Variants in ZNF536 observed in about 807,000 individuals in gnomAD.
ZNF536 encodes the protein zinc finger protein 536.
A neutral mutation model predicts 84.5 loss-of-function variants in ZNF536; 13 were observed. The observed-to-expected ratio is 0.15, with a 90% CI of 0.10 to 0.24. ZNF536 has a LOEUF of 0.24. ZNF536 is among the 10% of genes least tolerant of loss of function. The pLI, the probability that ZNF536 is intolerant of heterozygous loss-of-function variation, is 1.00. For missense variants in ZNF536, 1,536 were observed against 1,747.5 expected, an observed-to-expected ratio of 0.88 and a Z score of 2.16; for synonymous variants, 811 against 742.5, an observed-to-expected ratio of 1.09 and a Z score of -1.50.
At chr19:30,594,943 T>C (rs543465624) in intron 1 of ZNF536, among the ~76,000 whole-genome samples, 72 of 152,168 alleles carry the variant, frequency 4.7e-4, no homozygotes, top group Non-Finnish European at 8.7e-4. Flanking sequence ...GAGCCATGCC[T>C]GTGTGCTCAG....
rs1599765235 is a variant in ZNF536, at chr19:30,548,538, T to C, written c.2919T>C (p.Tyr973=). 5.0e-6 allele frequency: 8 copies of C among 1,614,144 alleles called. No homozygotes were observed. The highest frequency in any genetic ancestry group is 6.8e-6 in the Non-Finnish European group (8 of 1,180,032). Reference sequence around the variant, plus strand: ...AGAGGAAGTCCGAGAAATCTCAGTATGAACCCCTGGACTTGTCTGTGCGGC... The same window carrying C: ...AGAGGAAGTCCGAGAAATCTCAGTACGAACCCCTGGACTTGTCTGTGCGGC... ...SSQRKSEKSQ[Y]EPLDLSVRPD... is the part of the protein sequence containing the mutation. The change falls in exon 4 of 5, where the codon TAT becomes TAC. Residue 973 remains tyrosine (Y), a synonymous_variant. Transcript: ENST00000355537.
rs2048031496 is a variant in ZNF536 at position 30,609,852 on chromosome 19, G to GTCCATCCA, written c.169+60343_169+60350dup. Among the ~76,000 whole-genome samples the GTCCATCCA allele has an allele frequency of 2.6e-5, 2 of 77,216 alleles. 1 individual carries two copies. Among genetic ancestry groups the GTCCATCCA allele is most frequent in the South Asian group, 9.3e-4 (2 of 2,140 alleles). 50.7% of individuals were successfully genotyped at this position (77,216 alleles called of 152,430 possible). A position where few individuals can be genotyped will look rare whatever the true frequency, so the allele number is the denominator to read the frequency against. ...CATGTATCCATCCATCCACCCATCC[G>GTCCATCCA]TCCATCCATCCACCCATTTATCCAT... On this transcript the variant is annotated intron_variant, in intron 1 of 1. Transcript: ENST00000592773.
At chr19:30,673,499 C>A (rs1325223509) in intron 1 of ZNF536, among the ~76,000 whole-genome samples, 1 of 152,202 alleles carries the variant, frequency 6.6e-6, no homozygotes, top group Admixed American at 6.5e-5. Context: ...GGTCTCCCGC[C>A]CTGTGCCTGC....
At chr19:30,512,813 T>A (rs1008952804) in intron 2 of ZNF536, among the ~76,000 whole-genome samples, 1 of 152,212 alleles carries the variant, frequency 6.6e-6, no homozygotes, top group African/African-American at 2.4e-5. Flanking sequence ...TCGAATTACT[T>A]TCTAGCAATC....
chr19:30,319,311 C>G (rs2046782940), intron 2 of ZNF536, among the ~76,000 whole-genome samples: 1 of 152,118 alleles, frequency 6.6e-6, no homozygotes, highest in Admixed American at 6.5e-5. Flanking sequence ...ACCAATGTGA[C>G]TATCTTTTAA....
In ZNF536 at chr19:30,602,575, C is replaced by T. The variant is rs116050078; in HGVS notation, c.169+53061C>T. Among the ~76,000 whole-genome samples the T allele has an allele frequency of 3.6e-3, 551 of 152,268 alleles. 9 individuals carry two copies. Among genetic ancestry groups the T allele is most frequent in the African/African-American group, 0.013 (528 of 41,542 alleles). On this transcript the variant is annotated intron_variant, in intron 1 of 1. Coordinates refer to the ZNF536 transcript ENST00000592773. ...TGCTTGTGTAAAGAAGTCAGTGATG[C>T]CGAAAGCTCAGGTCCCATGGCCTGG...
chr19:30,644,636 G>T (rs949506901), intron 1 of ZNF536, among the ~76,000 whole-genome samples: 3 of 152,018 alleles, frequency 2.0e-5, no homozygotes, highest in Non-Finnish European at 4.4e-5. Flanking sequence ...TTGTCCTTGC[G>T]ATAGTTTGCT....
chr19:30,326,981 C>A (rs998143118), intron 2 of ZNF536, among the ~76,000 whole-genome samples: 1 of 151,244 alleles, frequency 6.6e-6, no homozygotes, highest in African/African-American at 2.4e-5. Context: ...ATGGCACACA[C>A]CTATAGTCCC....
chr19:30,530,420 C>T (rs917544526), intron 2 of ZNF536, among the ~76,000 whole-genome samples: 1 of 152,060 alleles, frequency 6.6e-6, no homozygotes, highest in Non-Finnish European at 1.5e-5. Flanking sequence ...GATCTCAGCT[C>T]ACTTCAACCT....
rs186637357 is a variant in ZNF536, at chr19:30,536,350, G to T, written c.2323+1351G>T. 5.4e-4 allele frequency among the ~76,000 whole-genome samples: 82 copies of T among 152,152 alleles called. 2 individuals are homozygous for T. The highest frequency in any genetic ancestry group is 1.9e-3 in the African/African-American group (77 of 41,500). On this transcript the variant is annotated intron_variant, in intron 3 of 4. Transcript: ENST00000355537. The stretch of plus-strand genomic sequence containing the variant: ...GACTTAGCTTTACTGGGATCTATTC[G>T]GAGAGGCTGCCCCTGACTATCCCAC...
chr19:30,496,567 G>A (rs1406881921), intron 2 of ZNF536, among the ~76,000 whole-genome samples: 1 of 152,182 alleles, frequency 6.6e-6, no homozygotes, highest in Non-Finnish European at 1.5e-5. Flanking sequence ...GTGAAAGTCT[G>A]TTAACTGAAG....
exon 2 of ZNF536, chr19:30,711,677 G>C (rs148995286): frequency 2.0e-5 from 3 of 152,224 alleles, no homozygotes; most frequent in Non-Finnish European, 4.4e-5. Flanking sequence ...ATCAGGAAGT[G>C]TCTGCAGACA....
At chr19:30,612,759 G>A (rs920288321) in intron 1 of ZNF536, among the ~76,000 whole-genome samples, 3 of 152,130 alleles carry the variant, frequency 2.0e-5, no homozygotes, top group South Asian at 2.1e-4. Context: ...AAATGCTAAC[G>A]TCTTACCTTC....
intron 1 of ZNF536, among the ~76,000 whole-genome samples, chr19:30,234,667 G>T (rs2023336153): frequency 6.6e-6 from 1 of 151,942 alleles, no homozygotes; most frequent in African/African-American, 2.4e-5. Context: ...CTCCCAAAGT[G>T]CTAGGATTAA....
intron 2 of ZNF536, among the ~76,000 whole-genome samples, chr19:30,522,488 G>A (rs904996366): frequency 6.6e-6 from 1 of 150,598 alleles, no homozygotes; most frequent in Non-Finnish European, 1.5e-5. Flanking sequence ...ATTGACACTT[G>A]TTTTCTGCCA....
At chr19:30,541,491 A>G in intron 3 of ZNF536, among the ~76,000 whole-genome samples, 1 of 152,074 alleles carries the variant, frequency 6.6e-6, no homozygotes. Context: ...GAGAGGAACT[A>G]AAAGCCCGGT....
intron 1 of ZNF536, among the ~76,000 whole-genome samples, chr19:30,686,843 T>C (rs979352857): frequency 5.3e-5 from 8 of 151,930 alleles, no homozygotes; most frequent in African/African-American, 1.9e-4. Flanking sequence ...CGATTATGAA[T>C]CGATGATCAT....
chr19:30,339,228 C>T (rs2088710581), intron 2 of ZNF536, among the ~76,000 whole-genome samples: 3 of 152,186 alleles, frequency 2.0e-5, no homozygotes, highest in African/African-American at 7.2e-5. Flanking sequence ...ATTGTGCCAG[C>T]CTGCCTCGGA....
chr19:30,620,026 A>G (rs1202120022), intron 1 of ZNF536, among the ~76,000 whole-genome samples: 7 of 72,296 alleles, frequency 9.7e-5, no homozygotes, highest in Non-Finnish European at 1.8e-4. Flanking sequence ...TTCTTCCTCT[A>G]TGCTTTTTTT....
Sources: allele counts gnomAD v4.1 joint callset (sites outside exome capture counted in the v4.1 genomes callset), GRCh38; gene constraint gnomAD v4.1.1; transcripts MANE v1.5; gene names NCBI Gene and HGNC (gene_info 2026-07-23, HGNC 2026-07-21).